Variants in USP24 observed in about 807,000 individuals in gnomAD.
USP24 encodes ubiquitin specific peptidase 24, also known as ubiquitin carboxyl-terminal hydrolase 24.
A neutral mutation model predicts 361.6 loss-of-function variants in USP24; 97 were observed. That is an observed-to-expected ratio of 0.27 (90% CI 0.23 to 0.32). The LOEUF (loss-of-function observed/expected upper bound fraction) is 0.32. Ranked by LOEUF, USP24 falls within the 10% of genes least tolerant of loss-of-function variation. The probability of loss-of-function intolerance (pLI) is 1.00; values close to 1 mark genes in which losing one functional copy is unlikely to be tolerated. For missense variants in USP24, 2,353 were observed against 3,165.6 expected, an observed-to-expected ratio of 0.74 and a Z score of 6.16; for synonymous variants, 1,098 against 1,124.6, an observed-to-expected ratio of 0.98 and a Z score of 0.47.
At position 55,092,113 on chromosome 1, in the gene USP24, T is replaced by C. The variant is rs755672845; in HGVS notation, c.6464A>G (p.His2155Arg). 3 of 1,610,252 alleles carry C rather than the reference T, an allele frequency of 1.9e-6. No homozygotes were observed. The highest frequency in any genetic ancestry group is 1.1e-5 in the South Asian group (1 of 90,146). Residue 2155 changes from histidine (H) to arginine (R), a missense_variant, in exon 54 of 68, where the codon CAT (histidine) becomes CGT (arginine). Transcript: ENST00000294383. Reference sequence around the variant, plus strand: ...CTTTGCCATGCAAGGATAATATGGATGCTTTAATTTAGTCTAAGAGAGGGA... The same window carrying C: ...CTTTGCCATGCAAGGATAATATGGACGCTTTAATTTAGTCTAAGAGAGGGA... The part of the protein sequence containing the change: ...LASLNATKLK[H>R]PYYPCMAKVS...
intron 8 of USP24, among the ~76,000 whole-genome samples, chr1:55,161,566 A>G (rs2100766081): frequency 6.6e-6 from 1 of 152,292 alleles, no homozygotes; most frequent in South Asian, 2.1e-4. Context: ...TAAAAGCTCT[A>G]TAGAAGTTAT....
intron 61 of USP24, among the ~76,000 whole-genome samples, chr1:55,077,921 G>GAA (rs1203009091): frequency 1.2e-4 from 19 of 152,318 alleles, no homozygotes; most frequent in African/African-American, 4.6e-4. Flanking sequence ...AGTCATAGAG[G>GAA]AAGAAACTGC....
chr1:55,193,039 T>C (rs1023642561), intron 1 of USP24, among the ~76,000 whole-genome samples: 1 of 152,250 alleles, frequency 6.6e-6, no homozygotes, highest in African/African-American at 2.4e-5. Context: ...TGCATTTGTA[T>C]TGAACGGATC....
At chr1:55,088,774 C>T in intron 55 of USP24, among the ~76,000 whole-genome samples, 1 of 152,270 alleles carries the variant, frequency 6.6e-6, no homozygotes, top group East Asian at 1.9e-4. Context: ...ACAAGAGAAG[C>T]TGACTTGATG....
chr1:55,112,214 C>CA (rs541223101), intron 38 of USP24, among the ~76,000 whole-genome samples: 9 of 152,110 alleles, frequency 5.9e-5, no homozygotes, highest in Non-Finnish European at 1.3e-4. Context: ...TTAATCTTTT[C>CA]AAAAAACCAG....
intron 2 of USP24, 134 bp downstream of exon 2, chr1:55,177,833 A>C: frequency 1.3e-6 from 1 of 768,474 alleles, no homozygotes; most frequent in East Asian, 2.8e-5. Context: ...TTTCTTCTGC[A>C]GGAGATAAGT....
At chr1:55,186,428 T>TA (rs1304596479) in intron 1 of USP24, among the ~76,000 whole-genome samples, 2 of 152,116 alleles carry the variant, frequency 1.3e-5, no homozygotes, top group African/African-American at 4.8e-5. Flanking sequence ...GATACACACA[T>TA]ACCAAAAAAC....
chr1:55,153,898 A>G lies in USP24; in HGVS notation c.1832T>C (p.Leu611Ser). The stretch of plus-strand genomic sequence containing the variant: ...GAATCCATCCTTCTTGTTTTTTTCC[A>G]AACCTGACCATTCTCCAGGCTGAAA... ...DIKRPGEWSG[L>S]EKNKKDGFKS... Residue 611 changes from leucine to serine, a missense_variant, in exon 16 of 68, where the codon TTG becomes TCG. Leu to Ser is a moderately radical substitution (Grantham distance 145). Coordinates refer to ENST00000294383, the MANE Select transcript of USP24 (RefSeq NM_015306.3). The G allele has an allele frequency of 1.3e-6, 2 of 1,550,934 alleles. No homozygotes were observed. Among genetic ancestry groups the G allele is most frequent in the South Asian group, 1.2e-5 (1 of 83,988 alleles).
intron 1 of USP24, among the ~76,000 whole-genome samples, chr1:55,205,831 C>A (rs1644689346): frequency 6.6e-6 from 1 of 152,092 alleles, no homozygotes; most frequent in East Asian, 1.9e-4. Context: ...CCCAAAATAA[C>A]AATATTAATA....
intron 1 of USP24, among the ~76,000 whole-genome samples, chr1:55,182,903 G>A (rs1644017702): frequency 6.6e-6 from 1 of 152,060 alleles, no homozygotes; most frequent in African/African-American, 2.4e-5. Context: ...TTAGTAGAGA[G>A]AGACAGGGTT....
chr1:55,212,366 G>A (rs1390673664), intron 1 of USP24, among the ~76,000 whole-genome samples: 1 of 152,154 alleles, frequency 6.6e-6, no homozygotes, highest in East Asian at 1.9e-4. Context: ...GTTGAGCAGA[G>A]TGAAAAGCAC....
chr1:55,075,168 C>T (rs1169738803), intron 63 of USP24, among the ~76,000 whole-genome samples: 3 of 151,962 alleles, frequency 2.0e-5, no homozygotes, highest in Admixed American at 1.3e-4. Flanking sequence ...AGGGAGTGGC[C>T]GTTAGCTTGT....
At position 55,083,904 on chromosome 1, in the gene USP24, A is replaced by G; in HGVS notation, c.6766-16T>C. 6.5e-7 allele frequency: 1 copy of G among 1,536,936 alleles called. No individual in the cohort carries two copies. Among genetic ancestry groups the G allele is most frequent in the Non-Finnish European group, 8.8e-7 (1 of 1,131,260 alleles). Reference sequence around the variant, plus strand: ...GGCTTTTTAACTGGTTAGAGGAAAGATAAAATTACATGAAGAAAAAGAACG... The same window carrying G: ...GGCTTTTTAACTGGTTAGAGGAAAGGTAAAATTACATGAAGAAAAAGAACG... On this transcript the variant is annotated splice_polypyrimidine_tract_variant and intron_variant, in intron 56 of 67. Transcript: ENST00000294383.
chr1:55,096,870 G>A, intron 49 of USP24, 82 bp downstream of exon 49: 1 of 1,497,684 alleles, frequency 6.7e-7, no homozygotes, highest in Non-Finnish European at 9.1e-7. Flanking sequence ...AAGTGTCCCT[G>A]CACCACAGCG....
At chr1:55,127,060 C>T (rs369902882) in intron 32 of USP24, among the ~76,000 whole-genome samples, 1 of 152,024 alleles carries the variant, frequency 6.6e-6, no homozygotes, top group Non-Finnish European at 1.5e-5. Context: ...CAACTTCCCC[C>T]TCAGTTTTTT....
intron 38 of USP24, among the ~76,000 whole-genome samples, chr1:55,112,842 C>T (rs887190627): frequency 1.3e-5 from 2 of 152,272 alleles, no homozygotes; most frequent in African/African-American, 4.8e-5. Flanking sequence ...TCTCATTGAT[C>T]TGTCTAATAT....
intron 39 of USP24, among the ~76,000 whole-genome samples, chr1:55,108,552 T>C (rs1557571660): frequency 6.6e-6 from 1 of 152,210 alleles, no homozygotes; most frequent in South Asian, 2.1e-4. Context: ...AGTGCTAGTA[T>C]AGGCACTGGC....
At chr1:55,103,850 A>G in intron 42 of USP24, 26 bp downstream of exon 42, 1 of 1,593,620 alleles carries the variant, frequency 6.3e-7, no homozygotes, top group Non-Finnish European at 8.5e-7. Flanking sequence ...AAAAAAATTA[A>G]GTTCATCAAC....
intron 36 of USP24, 73 bp from the exon 37 acceptor site, chr1:55,121,579 T>A (rs1646282750): frequency 2.2e-5 from 28 of 1,292,206 alleles, no homozygotes; most frequent in Non-Finnish European, 2.9e-5. Flanking sequence ...TTGATTAATT[T>A]CTTAAGCTCA....
Sources: allele counts gnomAD v4.1 joint callset (sites outside exome capture counted in the v4.1 genomes callset), GRCh38; gene constraint gnomAD v4.1.1; transcripts MANE v1.5; gene names NCBI Gene and HGNC (gene_info 2026-07-23, HGNC 2026-07-21).